Variants in GDAP1 observed in about 807,000 individuals in gnomAD.
The protein encoded by GDAP1 is ganglioside induced differentiation associated protein 1.
GDAP1 carries 34 observed loss-of-function variants against 40.1 expected under a neutral mutation model. That is an observed-to-expected ratio of 0.85 (90% CI 0.64 to 1.13). GDAP1 has a LOEUF of 1.13. Ranked by LOEUF, GDAP1 falls within the 50% of genes most tolerant of loss-of-function variation. The probability of loss-of-function intolerance (pLI) is 0.00; values close to 1 mark genes in which losing one functional copy is unlikely to be tolerated. For synonymous variants in GDAP1, 170 were observed against 157.4 expected (o/e 1.08, Z -0.60); for missense variants, 374 against 433.7 (o/e 0.86, Z 1.22).
intron 2 of GDAP1, among the ~76,000 whole-genome samples, chr8:74,451,032 A>T (rs1806293120): frequency 1.2e-5 from 1 of 83,122 alleles, no homozygotes; most frequent in Non-Finnish European, 2.4e-5. Context: ...TTTAAAATGT[A>T]AGACATTTTT....
At chr8:74,486,996 C>T (rs1474066060) in intron 2 of GDAP1, among the ~76,000 whole-genome samples, 2 of 152,116 alleles carry the variant, frequency 1.3e-5, no homozygotes, top group African/African-American at 4.8e-5. Flanking sequence ...TAACCATTCA[C>T]AAGTTACTTC....
chr8:74,460,072 A>G (rs576751880), intron 2 of GDAP1, among the ~76,000 whole-genome samples: 11 of 152,170 alleles, frequency 7.2e-5, no homozygotes, highest in Non-Finnish European at 1.3e-4. Flanking sequence ...AGTGCATCAG[A>G]TATCCTGAGA....
chr8:74,397,192 T>A (rs1227283930), intron 2 of GDAP1, among the ~76,000 whole-genome samples: 2 of 120,826 alleles, frequency 1.7e-5, no homozygotes, highest in South Asian at 5.6e-4. Context: ...TGCCCGCTTT[T>A]TGATGGGTTT....
chr8:74,366,375 T>C lies in GDAP1; in HGVS notation c.*2008T>C, dbSNP rs955304897. On this transcript the variant is annotated 3_prime_UTR_variant, in exon 6 of 6. Transcript: ENST00000220822. ...GTTTCAAGCAAAGATAGTAATGACC[T>C]CAGTTTCTGAAATAAGGGCATCTTC... The C allele has an allele frequency of 6.2e-5, 28 of 454,462 alleles. No individual in the cohort carries two copies. Among genetic ancestry groups the C allele is most frequent in the Admixed American group, 5.9e-4 (25 of 42,572 alleles). The allele number at this position is 454,462 out of a possible 1,614,324, so 28.2% of individuals were successfully genotyped here. A position where few individuals can be genotyped will look rare whatever the true frequency, so the allele number is the denominator to read the frequency against.
chr8:74,422,352 C>CTTTCTTTCTTTCTTTCCTT (rs1563465558), intron 2 of GDAP1, among the ~76,000 whole-genome samples: 1 of 34,222 alleles, frequency 2.9e-5, no homozygotes, highest in African/African-American at 1.0e-4. Flanking sequence ...TTTCTTTCTT[C>CTTTCTTTCTTTCTTTCCTT]CCTTCCTTCC....
intron 2 of GDAP1, 73 bp downstream of exon 2, chr8:74,351,539 C>T (rs1808876447): frequency 1.1e-5 from 11 of 1,038,068 alleles, no homozygotes; most frequent in Non-Finnish European, 1.7e-5. Flanking sequence ...CTCTTTTTCT[C>T]TCTCTCCTCT....
At chr8:74,379,950 C>G (rs1809921002) in intron 2 of GDAP1, among the ~76,000 whole-genome samples, 1 of 152,182 alleles carries the variant, frequency 6.6e-6, no homozygotes, top group African/African-American at 2.4e-5. Context: ...ACCCTCTACT[C>G]CTAAGAAAGA....
chr8:74,476,122 T>C (rs1467277881), intron 2 of GDAP1, among the ~76,000 whole-genome samples: 1 of 152,188 alleles, frequency 6.6e-6, no homozygotes, highest in African/African-American at 2.4e-5. Context: ...ATTTTTCTGT[T>C]TTCCTCTTGG....
intron 2 of GDAP1, among the ~76,000 whole-genome samples, chr8:74,406,511 T>G (rs1805644398): frequency 6.7e-6 from 1 of 150,254 alleles, no homozygotes; most frequent in Non-Finnish European, 1.5e-5. Context: ...CAGCTCCATT[T>G]ACTTATTACA....
At chr8:74,391,986 T>G (rs992326880) in intron 2 of GDAP1, among the ~76,000 whole-genome samples, 1 of 152,026 alleles carries the variant, frequency 6.6e-6, no homozygotes, top group Non-Finnish European at 1.5e-5. Flanking sequence ...GCCCAGCAAA[T>G]TTTTGTATTT....
chr8:74,422,105 T>C (rs1306459316), intron 2 of GDAP1, among the ~76,000 whole-genome samples: 1 of 151,966 alleles, frequency 6.6e-6, no homozygotes, highest in African/African-American at 2.4e-5. Flanking sequence ...TACCAAAACA[T>C]AATTAGCCTT....
intron 2 of GDAP1, among the ~76,000 whole-genome samples, chr8:74,438,098 G>A (rs1276888952): frequency 5.9e-5 from 9 of 151,964 alleles, no homozygotes; most frequent in Non-Finnish European, 8.8e-5. Flanking sequence ...GTGAAACCCC[G>A]TCTCTACTAA....
chr8:74,431,663 A>G (rs886716701), intron 2 of GDAP1, among the ~76,000 whole-genome samples: 5 of 151,684 alleles, frequency 3.3e-5, no homozygotes, highest in African/African-American at 1.2e-4. Flanking sequence ...TTGTATTTTT[A>G]GTAGAGACAG....
chr8:74,359,031 C>G (rs16938892), intron 2 of GDAP1, among the ~76,000 whole-genome samples: 8,528 of 152,218 alleles, frequency 0.056, 283 homozygotes, highest in East Asian at 0.12. Flanking sequence ...GGAAGAGATT[C>G]TGAAGGGACA....
chr8:74,390,261 A>C (rs910430852), intron 2 of GDAP1, among the ~76,000 whole-genome samples: 1 of 152,132 alleles, frequency 6.6e-6, no homozygotes, highest in Non-Finnish European at 1.5e-5. Flanking sequence ...GAGTAGAGGC[A>C]TTCTGGTTTT....
intron 2 of GDAP1, among the ~76,000 whole-genome samples, chr8:74,448,022 G>A (rs1806254108): frequency 6.6e-6 from 1 of 152,128 alleles, no homozygotes; most frequent in African/African-American, 2.4e-5. Flanking sequence ...GCAAATTAAA[G>A]AAATTACCTG....
rs1273161960 is a variant in GDAP1 at position 74,452,270 on chromosome 8, TG to T, written c.166-36407del. Among the ~76,000 whole-genome samples, 3 of 83,332 alleles carry T rather than the reference TG, an allele frequency of 3.6e-5. 1 individual carries two copies. The highest frequency in any genetic ancestry group is 1.6e-4 in the African/African-American group (3 of 19,122). The allele number at this position is 83,332 out of a possible 152,430, so 54.7% of individuals were successfully genotyped here. A position where few individuals can be genotyped will look rare whatever the true frequency, so the allele number is the denominator to read the frequency against. On this transcript the variant is annotated intron_variant, in intron 2 of 2. Transcript: ENST00000523640. ...CAGCTGCTGTTCTTTATTTTTATAC[TG>T]CTTGAAAGTCTATGAACTTTGTTCT...
At chr8:74,407,388 T>A (rs1182417765) in intron 2 of GDAP1, among the ~76,000 whole-genome samples, 2 of 149,960 alleles carry the variant, frequency 1.3e-5, no homozygotes, top group Non-Finnish European at 2.9e-5. Context: ...AGGCCCACCC[T>A]CAATCTGCGT....
chr8:74,394,189 A>G (rs1001347680), intron 2 of GDAP1, among the ~76,000 whole-genome samples: 1 of 152,210 alleles, frequency 6.6e-6, no homozygotes, highest in African/African-American at 2.4e-5. Flanking sequence ...GAGCTTGTGC[A>G]GGGAAACTCC....
Sources: gnomAD v4.1 joint callset for allele counts (sites outside exome capture counted in the v4.1 genomes callset) on GRCh38, gnomAD v4.1.1 for gene constraint, MANE v1.5 for transcripts, NCBI Gene and HGNC (gene_info 2026-07-23, HGNC 2026-07-21) for gene names.